The following PEX1 variants were observed in gnomAD, a reference collection of about 807,000 sequenced individuals.
PEX1 encodes peroxisomal ATPase PEX1.
PEX1 carries 97 observed loss-of-function variants against 152.5 expected under a neutral mutation model. That is an observed-to-expected ratio of 0.64 (90% CI 0.54 to 0.75). PEX1 has a LOEUF of 0.75. Among genes scored for constraint, PEX1 ranks in the 30% least tolerant of loss-of-function variants. The pLI, the probability that PEX1 is intolerant of heterozygous loss-of-function variation, is 0.00. For missense variants in PEX1, 1,357 were observed against 1,516.3 expected (o/e 0.89, Z 1.74); for synonymous variants, 485 against 531.6 (o/e 0.91, Z 1.21).
chr7:92,496,889 T>G, intron 16 of PEX1, 112 bp from the exon 17 acceptor site: 1 of 732,930 alleles, frequency 1.4e-6, no homozygotes, highest in African/African-American at 1.8e-5. Flanking sequence ...TAAATGGATG[T>G]CTTTTATACA....
intron 8 of PEX1, among the ~76,000 whole-genome samples, chr7:92,510,428 T>C (rs1792407370): frequency 6.6e-6 from 1 of 151,816 alleles, no homozygotes; most frequent in Non-Finnish European, 1.5e-5. Flanking sequence ...ATCATGCCAC[T>C]GCACTCCAGC....
rs73230475 is a variant in PEX1 at position 92,493,318 on chromosome 7, A to G, written c.3031-189T>C. The stretch of plus-strand genomic sequence containing the variant: ...ATTTTTTCCCCAACAGAAATAATAT[A>G]TATAGGAAAATGAATGAAAATCAAA... On this transcript the variant is annotated intron_variant, in intron 19 of 23. Coordinates refer to ENST00000248633, the MANE Select transcript of PEX1 (RefSeq NM_000466.3). 8.2e-3 allele frequency: 3,294 copies of G among 401,550 alleles called. 22 individuals are homozygous for G. The highest frequency in any genetic ancestry group is 0.011 in the Non-Finnish European group (2,512 of 231,968). 24.9% of individuals were successfully genotyped at this position (401,550 alleles called of 1,614,324 possible).
In PEX1 at chr7:92,518,810, T is replaced by C. The variant is rs1410324217; in HGVS notation, c.357+185A>G. The C allele has an allele frequency of 4.1e-5, 25 of 605,244 alleles. 1 individual carries two copies. Among genetic ancestry groups the C allele is most frequent in the South Asian group, 4.1e-4 (22 of 53,598 alleles). 37.5% of individuals were successfully genotyped at this position (605,244 alleles called of 1,614,324 possible). The stretch of plus-strand genomic sequence containing the variant: ...GTCTTGAACTCCTGGACTCAAGCAA[T>C]CCACCTGCCTTGGCCTCCCAAAGTG... On this transcript the variant is annotated intron_variant, in intron 3 of 23. Coordinates refer to ENST00000248633, the MANE Select transcript of PEX1 (RefSeq NM_000466.3).
At chr7:92,514,505 A>C (rs1036902146) in intron 5 of PEX1, among the ~76,000 whole-genome samples, 1 of 152,200 alleles carries the variant, frequency 6.6e-6, no homozygotes, top group African/African-American at 2.4e-5. Context: ...ATTCAAATTA[A>C]ATGTTATTTC....
At chr7:92,511,963 T>C (rs911638836) in intron 6 of PEX1, among the ~76,000 whole-genome samples, 2 of 152,238 alleles carry the variant, frequency 1.3e-5, no homozygotes, top group African/African-American at 2.4e-5. Context: ...ACATCTACCA[T>C]AATGTGGCTC....
intron 13 of PEX1, among the ~76,000 whole-genome samples, chr7:92,502,802 CTCAT>C (rs1350443872): frequency 1.3e-5 from 2 of 152,148 alleles, no homozygotes; most frequent in African/African-American, 2.4e-5. Context: ...TCTGTTCTTT[CTCAT>C]TCAAAGAAAT....
At chr7:92,496,577 G>T in intron 17 of PEX1, 136 bp downstream of exon 17, 1 of 713,524 alleles carries the variant, frequency 1.4e-6, no homozygotes, top group Non-Finnish European at 2.6e-6. Flanking sequence ...GAGAATCCAC[G>T]TCCTCTAGCT....
At chr7:92,507,193 T>A in intron 9 of PEX1, 67 bp from the exon 10 acceptor site, 1 of 1,363,500 alleles carries the variant, frequency 7.3e-7, no homozygotes. Context: ...TATAAAAAAA[T>A]GCTGAATTTT....
In PEX1 at chr7:92,517,731, CTT is replaced by C. The variant is rs749067142; in HGVS notation, c.782_783del (p.Gln261ArgfsTer8). 1.7e-5 allele frequency: 28 copies of C among 1,609,824 alleles called. No individual in the cohort carries two copies. Among genetic ancestry groups the C allele is most frequent in the South Asian group, 1.1e-4 (10 of 90,694 alleles). On this transcript the variant is annotated frameshift_variant, in exon 5 of 24. Transcript: ENST00000248633. LOFTEE classifies it high-confidence loss of function. ...SIFSFQSEKK[Q>X]ETSWGLTEIN... ...ATTTCAGTTAAACCCCAAGATGTCT[CTT>C]GTTTCTTCTCAGATTGAAAGGAAAA...
Position 92,489,303 on chromosome 7 carries a change from A to T in PEX1, c.3757T>A (p.Phe1253Ile). 6.2e-7 allele frequency: 1 copy of T among 1,613,670 alleles called. No individual in the cohort carries two copies. Among genetic ancestry groups the T allele is most frequent in the Non-Finnish European group, 8.5e-7 (1 of 1,179,742 alleles). ...GAATCTGTTACTTACAGCTCAGCAAAATTCTTCCAGTCATCTTCACTAATG... is the reference window on the plus strand; with the variant it reads ...GAATCTGTTACTTACAGCTCAGCAATATTCTTCCAGTCATCTTCACTAATG... ...PSISEDDWKNFAELYESFQNP... is the reference protein window; with the variant it reads ...PSISEDDWKNIAELYESFQNP... The change falls in exon 23 of 24, where the codon TTT becomes ATT. Residue 1253 changes from phenylalanine (F) to isoleucine (I), a missense_variant. Coordinates refer to ENST00000248633, the MANE Select transcript of PEX1 (RefSeq NM_000466.3).
At position 92,517,513 on chromosome 7, in the gene PEX1, C is replaced by T. The variant is rs1792849738; in HGVS notation, c.1002G>A (p.Lys334=). The change falls in exon 5 of 24, where the codon AAG becomes AAA. Residue 334 remains lysine, a synonymous_variant. Coordinates refer to ENST00000248633, the MANE Select transcript of PEX1 (RefSeq NM_000466.3). ...VEPSFTVTYG[K]LVKLLSPKQQ... is the part of the protein sequence containing the mutation. Reference sequence around the variant, plus strand: ...GCTTTGGAGAAAGTAGCTTAACTAGCTTTCCATATGTCACAGTAAAGCTGG... The same window carrying T: ...GCTTTGGAGAAAGTAGCTTAACTAGTTTTCCATATGTCACAGTAAAGCTGG... 1 of 1,613,912 alleles carries T rather than the reference C, an allele frequency of 6.2e-7. No individual in the cohort carries two copies. The highest frequency in any genetic ancestry group is 8.5e-7 in the Non-Finnish European group (1 of 1,180,004).
At chr7:92,502,593 G>T (rs1218346982) in intron 13 of PEX1, among the ~76,000 whole-genome samples, 1 of 151,854 alleles carries the variant, frequency 6.6e-6, no homozygotes, top group Non-Finnish European at 1.5e-5. Context: ...ACTAGCACAG[G>T]GTCTGAATAT....
Position 92,519,064 on chromosome 7 carries a change from T to C in PEX1, c.288A>G (p.Pro96=), listed in dbSNP as rs763760116. The change falls in exon 3 of 24, where the codon CCA becomes CCG. Residue 96 remains proline, a synonymous_variant. Transcript: ENST00000248633. ...GTTGACAAGATACCACATGGGAACATGGCTTGAGAAATACCTAGAAAAAAT... is the reference window on the plus strand; with the variant it reads ...GTTGACAAGATACCACATGGGAACACGGCTTGAGAAATACCTAGAAAAAAT... ...LSNGGQVFLK[P]CSHVVSCQQV... The C allele has an allele frequency of 3.1e-6, 5 of 1,603,704 alleles. No individual in the cohort carries two copies. Among genetic ancestry groups the C allele is most frequent in the South Asian group, 1.1e-5 (1 of 90,724 alleles).
At chr7:92,514,671 C>T (rs1033618790) in intron 5 of PEX1, among the ~76,000 whole-genome samples, 2 of 152,090 alleles carry the variant, frequency 1.3e-5, no homozygotes, top group African/African-American at 4.8e-5. Flanking sequence ...TTCTCCCACC[C>T]CCTAATGAAA....
intron 19 of PEX1, 108 bp from the exon 20 acceptor site, chr7:92,493,237 A>T: frequency 1.5e-6 from 1 of 645,464 alleles, no homozygotes; most frequent in Non-Finnish European, 2.6e-6. Flanking sequence ...ATATCTAAAA[A>T]GCTTTATAAG....
chr7:92,507,425 A>G, intron 9 of PEX1: 1 of 318,748 alleles, frequency 3.1e-6, no homozygotes, highest in South Asian at 3.1e-5. Flanking sequence ...TTGTGTGTGC[A>G]TTTGTTGTAG....
At chr7:92,504,317 C>G (rs1434509623) in intron 12 of PEX1, among the ~76,000 whole-genome samples, 1 of 152,000 alleles carries the variant, frequency 6.6e-6, no homozygotes. Flanking sequence ...TCCAAGAAAG[C>G]CAAGAAAGGG....
At chr7:92,500,296 G>A (rs984908047) in intron 15 of PEX1, among the ~76,000 whole-genome samples, 2 of 152,166 alleles carry the variant, frequency 1.3e-5, no homozygotes, top group Admixed American at 6.5e-5. Context: ...TACCTTTTAA[G>A]GCACCACTGC....
intron 11 of PEX1, 126 bp from the exon 12 acceptor site, chr7:92,505,028 T>A: frequency 1.4e-6 from 1 of 717,108 alleles, no homozygotes; most frequent in Non-Finnish European, 2.4e-6. Context: ...CTATATTTTA[T>A]TAATATACCC....
Sources: allele counts gnomAD v4.1 joint callset (sites outside exome capture counted in the v4.1 genomes callset), GRCh38; gene constraint gnomAD v4.1.1; transcripts MANE v1.5; gene names NCBI Gene and HGNC (gene_info 2026-07-23, HGNC 2026-07-21).